F5: variants seen among roughly 807,000 people sequenced by gnomAD.
F5 encodes the protein activated protein c cofactor.
A neutral mutation model predicts 216.4 loss-of-function variants in F5; 138 were observed. The observed-to-expected ratio is 0.64, with a 90% CI of 0.56 to 0.73. The LOEUF is 0.73. Ranked by LOEUF, F5 falls within the 30% of genes least tolerant of loss-of-function variation. F5 has a pLI of 0.00. For missense variants in F5, 2,403 were observed against 2,674.0 expected (o/e 0.90, Z 2.24); for synonymous variants, 916 against 930.7 (o/e 0.98, Z 0.29).
At chr1:169,544,571 A>T in intron 11 of F5, 63 bp from the exon 12 acceptor site, 1 of 1,312,786 alleles carries the variant, frequency 7.6e-7, no homozygotes, top group Non-Finnish European at 1.1e-6. Context: ...GTGTCTAATT[A>T]TACCTAAGAT....
Position 169,552,685 on chromosome 1 carries a change from G to C in F5, c.1168C>G (p.His390Asp). The change falls in exon 8 of 25, where the codon CAT becomes GAT. Residue 390 changes from histidine to aspartate, a missense_variant. By Grantham distance (81) the His-to-Asp change is moderately conservative (BLOSUM62 -1). This residue lies in a region of F5 where 1,425 missense variants were observed against 1,554.8 expected (regional missense o/e 0.92). Transcript: ENST00000367797. Reference protein sequence around the residue: ...LDNFSNQIGKHYKKVMYTQYE... With the variant: ...LDNFSNQIGKDYKKVMYTQYE... The stretch of plus-strand genomic sequence containing the variant: ...TGTGTGTACATAACTTTCTTATAAT[G>C]TTTTCCAATTTGGTTTGAGAAATTA... The C allele has an allele frequency of 1.2e-6, 2 of 1,612,362 alleles. No individual in the cohort carries two copies. The highest frequency in any genetic ancestry group is 2.2e-5 in the South Asian group (2 of 90,974).
chr1:169,550,397 T>C (rs372051651), intron 9 of F5, among the ~76,000 whole-genome samples: 8 of 151,496 alleles, frequency 5.3e-5, no homozygotes, highest in Non-Finnish European at 8.8e-5. Flanking sequence ...CTGGATAACA[T>C]GTAGCCATTA....
chr1:169,542,102 A>G lies in F5; in HGVS notation c.2988T>C (p.Ser996=), dbSNP rs760204061. Residue 996 remains serine, a synonymous_variant, in exon 13 of 25, where the codon AGT becomes AGC. Coordinates refer to ENST00000367797, the MANE Select transcript of F5 (RefSeq NM_000130.5). ...TPLANKPGKQ[S]GHPKFPRVRH... is the part of the protein sequence containing the mutation. ...TAACTCTAGGAAACTTTGGGTGGCC[A>G]CTCTGCTTTCCAGGCTTGTTGGCAA... 1 of 1,613,828 alleles carries G rather than the reference A, an allele frequency of 6.2e-7. No individual in the cohort carries two copies. The highest frequency in any genetic ancestry group is 8.5e-7 in the Non-Finnish European group (1 of 1,179,960).
intron 4 of F5, among the ~76,000 whole-genome samples, chr1:169,559,698 A>G (rs1453992035): frequency 6.6e-6 from 1 of 152,172 alleles, no homozygotes; most frequent in African/African-American, 2.4e-5. Flanking sequence ...GGGGCATTAG[A>G]TAATTGGGTG....
At position 169,512,457 on chromosome 1, in the gene F5, G is replaced by A. The variant is rs759911607; in HGVS notation, c.*1856C>T. 2.6e-5 allele frequency among the ~76,000 whole-genome samples: 4 copies of A among 151,898 alleles called. No individual in the cohort carries two copies. Among genetic ancestry groups the A allele is most frequent in the Non-Finnish European group, 4.4e-5 (3 of 67,946 alleles). ...GGGCTCATTGAAAAATGGAAATGTC[G>A]AATTCCTTCTTAAAAAATAAAGGAT... On this transcript the variant is annotated 3_prime_UTR_variant, in exon 25 of 25. Transcript: ENST00000367797.
chr1:169,552,560 G>C lies in F5; in HGVS notation c.1293C>G (p.Leu431=). The change falls in exon 8 of 25, where the codon CTC becomes CTG. Residue 431 remains leucine (L), a synonymous_variant. Coordinates refer to ENST00000367797, the MANE Select transcript of F5 (RefSeq NM_000130.5). The part of the protein sequence containing the change: ...PIIRAQVRDT[L]KIVFKNMASR... ...ATTCTGTATTTGTGTTACTTACTTT[G>C]AGTGTGTCTCTGACCTGGGCTCTGA... is the stretch of plus-strand genomic sequence containing the variant. The C allele has an allele frequency of 6.2e-7, 1 of 1,612,228 alleles. No homozygotes were observed. Among genetic ancestry groups the C allele is most frequent in the Non-Finnish European group, 8.5e-7 (1 of 1,178,646 alleles).
intron 2 of F5, among the ~76,000 whole-genome samples, chr1:169,576,794 G>A (rs977239933): frequency 1.3e-5 from 2 of 152,044 alleles, no homozygotes; most frequent in Admixed American, 6.6e-5. Flanking sequence ...ATTGTGTGCC[G>A]CATTTAGTTG....
At chr1:169,526,163 A>G (rs1659445568) in intron 17 of F5, 146 bp from the exon 18 acceptor site, 1 of 614,034 alleles carries the variant, frequency 1.6e-6, no homozygotes, top group East Asian at 3.0e-5. Flanking sequence ...GACTGAAAGT[A>G]TAACAGATAA....
At position 169,535,832 on chromosome 1, in the gene F5, T is replaced by C. The variant is rs149952287; in HGVS notation, c.4971+674A>G. 2.6e-3 allele frequency among the ~76,000 whole-genome samples: 389 copies of C among 152,320 alleles called. 2 individuals are homozygous for C. The highest frequency in any genetic ancestry group is 8.5e-3 in the African/African-American group (352 of 41,580). On this transcript the variant is annotated intron_variant, in intron 14 of 24. Coordinates refer to ENST00000367797, the MANE Select transcript of F5 (RefSeq NM_000130.5). Reference sequence around the variant, plus strand: ...AAAGAGCAAATGGTCACTGAAAATGTAGTGAATGCTTACACAGGTATAGTA... The same window carrying C: ...AAAGAGCAAATGGTCACTGAAAATGCAGTGAATGCTTACACAGGTATAGTA...
chr1:169,521,188 C>G (rs1298521826), intron 21 of F5, among the ~76,000 whole-genome samples: 9 of 152,168 alleles, frequency 5.9e-5, no homozygotes, highest in Non-Finnish European at 1.3e-4. Context: ...AAACCTGAGG[C>G]CCCTCCCCAA....
In F5 at chr1:169,560,696, G is replaced by A; in HGVS notation, c.444C>T (p.Tyr148=). ...MDDAVAPGRE[Y]TYEWSISEDS... ...CCTCACTGATACTCCATTCATAGGTGTATTCTCGGCCTGGAGCCACAGCGT... is the reference window on the plus strand; with the variant it reads ...CCTCACTGATACTCCATTCATAGGTATATTCTCGGCCTGGAGCCACAGCGT... Residue 148 remains tyrosine, a synonymous_variant, in exon 4 of 25, where the codon TAC becomes TAT. Transcript: ENST00000367797. 1 of 1,613,750 alleles carries A rather than the reference G, an allele frequency of 6.2e-7. No individual in the cohort carries two copies. Among genetic ancestry groups the A allele is most frequent in the Non-Finnish European group, 8.5e-7 (1 of 1,179,800 alleles).
intron 14 of F5, among the ~76,000 whole-genome samples, chr1:169,531,424 T>C (rs1659594153): frequency 6.6e-6 from 1 of 152,212 alleles, no homozygotes. Flanking sequence ...ATACAAAGTC[T>C]AAGTGGGTTC....
chr1:169,583,700 C>T (rs1340340433), intron 1 of F5, among the ~76,000 whole-genome samples: 3 of 152,178 alleles, frequency 2.0e-5, no homozygotes, highest in Non-Finnish European at 4.4e-5. Flanking sequence ...TTAGTCTTTA[C>T]CCTTCAGGTT....
Position 169,572,183 on chromosome 1 carries a change from C to T in F5, c.373+38G>A, listed in dbSNP as rs749790511. The T allele has an allele frequency of 1.8e-5, 28 of 1,596,992 alleles. No homozygotes were observed. The Admixed American group carries it at 2.5e-4, about 14-fold the overall frequency. ...TTGATGCTGGTATTAAAGACTTAGA[C>T]ATTTTCCCTTTTCAGAAAAATATTA... is the stretch of plus-strand genomic sequence containing the variant. On this transcript the variant is annotated intron_variant, in intron 3 of 24. Coordinates refer to ENST00000367797, the MANE Select transcript of F5 (RefSeq NM_000130.5).
intron 3 of F5, among the ~76,000 whole-genome samples, chr1:169,570,409 G>A (rs909438982): frequency 3.9e-5 from 6 of 152,020 alleles, no homozygotes; most frequent in African/African-American, 9.7e-5. Context: ...TGATGCAGTC[G>A]TCTAGAAGCC....
At chr1:169,581,439 A>G (rs1294840650) in intron 2 of F5, among the ~76,000 whole-genome samples, 15 of 151,296 alleles carry the variant, frequency 9.9e-5, no homozygotes, top group Admixed American at 2.6e-4. Context: ...GGCAGGGTCA[A>G]GGGGAGATTT....
At chr1:169,532,867 GA>G (rs778379881) in intron 14 of F5, among the ~76,000 whole-genome samples, 2 of 152,108 alleles carry the variant, frequency 1.3e-5, no homozygotes, top group Non-Finnish European at 2.9e-5. Context: ...CTCAGGATTA[GA>G]CAAAGCTATT....
chr1:169,569,919 G>C (rs1276911454), intron 3 of F5, among the ~76,000 whole-genome samples: 2 of 152,050 alleles, frequency 1.3e-5, no homozygotes, highest in South Asian at 4.1e-4. Context: ...AACCACAGAG[G>C]GAGGCTATAG....
At chr1:169,573,359 T>C (rs772094771) in intron 2 of F5, among the ~76,000 whole-genome samples, 1 of 152,136 alleles carries the variant, frequency 6.6e-6, no homozygotes, top group Non-Finnish European at 1.5e-5. Context: ...TCATAGCTGC[T>C]GTGTAGAGAA....
Sources: allele counts gnomAD v4.1 joint callset (sites outside exome capture counted in the v4.1 genomes callset), GRCh38; gene constraint gnomAD v4.1.1; regional missense constraint gnomAD v4.1.1; transcripts MANE v1.5; gene names NCBI Gene and HGNC (gene_info 2026-07-23, HGNC 2026-07-21).